The following ABHD17B variants were observed in gnomAD, a reference collection of about 807,000 sequenced individuals.
The protein encoded by ABHD17B is alpha/beta hydrolase domain-containing protein 17B.
In ABHD17B, 9 loss-of-function variants were observed where a neutral mutation model predicts 26.2. That is an observed-to-expected ratio of 0.34 (90% CI 0.21 to 0.60). The LOEUF (loss-of-function observed/expected upper bound fraction) is 0.60. Among genes scored for constraint, ABHD17B ranks in the 20% least tolerant of loss-of-function variants. ABHD17B has a pLI of 0.80. For missense variants in ABHD17B, 224 were observed against 352.1 expected (o/e 0.64, Z 2.91); for synonymous variants, 127 against 122.3 (o/e 1.04, Z -0.25).
chr9:71,878,040 A>G (rs1006755172), intron 1 of ABHD17B, among the ~76,000 whole-genome samples: 4 of 152,222 alleles, frequency 2.6e-5, no homozygotes, highest in Admixed American at 6.5e-5. Flanking sequence ...AATACTTTTT[A>G]AGTCTGAAAA....
chr9:71,909,689 A>C (rs924028810), intron 1 of ABHD17B, among the ~76,000 whole-genome samples: 1 of 152,252 alleles, frequency 6.6e-6, no homozygotes, highest in Non-Finnish European at 1.5e-5. Flanking sequence ...CAAGCATCAT[A>C]TATCACAAAA....
Position 71,874,910 on chromosome 9 carries a change from C to G in ABHD17B, c.171G>C (p.Gln57His). 1 of 1,614,176 alleles carries G rather than the reference C, an allele frequency of 6.2e-7. No homozygotes were observed. Among genetic ancestry groups the G allele is most frequent in the Non-Finnish European group, 8.5e-7 (1 of 1,180,024 alleles). ...TLHLSERADW[Q>H]YSSREKDAIE... ...TAGCATCTTTTTCTCTAGAAGAATA[C>G]TGCCAGTCTGCTCGTTCAGACAGAT... Residue 57 changes from glutamine to histidine, a missense_variant, in exon 2 of 4, where the codon CAG becomes CAC. Physicochemically the swap from Gln to His is conservative, Grantham distance 24. Transcript: ENST00000333421.
chr9:71,882,688 A>G (rs1826483399), intron 1 of ABHD17B, among the ~76,000 whole-genome samples: 1 of 151,858 alleles, frequency 6.6e-6, no homozygotes, highest in Non-Finnish European at 1.5e-5. Flanking sequence ...AACAAAAACA[A>G]AACAAAAGGT....
At chr9:71,869,596 C>G (rs1261550613) in intron 3 of ABHD17B, among the ~76,000 whole-genome samples, 1 of 152,070 alleles carries the variant, frequency 6.6e-6, no homozygotes, top group African/African-American at 2.4e-5. Context: ...ATTTAAGATT[C>G]AACTTTTTTT....
At chr9:71,893,406 A>AG (rs142195765) in intron 1 of ABHD17B, among the ~76,000 whole-genome samples, 2,778 of 152,260 alleles carry the variant, frequency 0.018, 83 homozygotes, top group African/African-American at 0.063. Flanking sequence ...CTCTTACTCC[A>AG]GTCTGATTAA....
chr9:71,874,842 G>A lies in ABHD17B; in HGVS notation c.239C>T (p.Ala80Val). 3.1e-6 allele frequency: 5 copies of A among 1,614,164 alleles called. No individual in the cohort carries two copies. The highest frequency in any genetic ancestry group is 4.2e-6 in the Non-Finnish European group (5 of 1,180,010). Reference protein sequence around the residue: ...MTRTSKGNRIACMFVRCSPNA... With the variant: ...MTRTSKGNRIVCMFVRCSPNA... ...GGGTGAACAACGTACAAACATACAA[G>A]CAATTCTGTTGCCTTTACTGGTTCT... Residue 80 changes from alanine (A) to valine (V), a missense_variant, in exon 2 of 4, where the codon GCT becomes GTT. Ala to Val is a moderately conservative substitution (Grantham distance 64). Transcript: ENST00000333421.
chr9:71,866,467 C>T lies in ABHD17B; in HGVS notation c.*320G>A. The stretch of plus-strand genomic sequence containing the variant: ...TTTAAAAATATTTATAAATTTGTTT[C>T]TAGTATGCAAAAGCATTTGGCAATA... On this transcript the variant is annotated 3_prime_UTR_variant, in exon 4 of 4. Coordinates refer to ENST00000333421, the MANE Select transcript of ABHD17B (RefSeq NM_001025780.3). 9.7e-7 allele frequency: 1 copy of T among 1,030,892 alleles called. No individual in the cohort carries two copies. The highest frequency in any genetic ancestry group is 4.9e-5 in the Admixed American group (1 of 20,372). The allele number at this position is 1,030,892 out of a possible 1,614,324, so 63.9% of individuals were successfully genotyped here.
In ABHD17B at chr9:71,865,168, T is replaced by C; in HGVS notation, c.*1619A>G. On this transcript the variant is annotated 3_prime_UTR_variant, in exon 4 of 4. Transcript: ENST00000333421. ...AAGCACAGGTCAGTGGTATATTTGTTGTTTTACTGTTAATTTGACACATCT... is the reference window on the plus strand; with the variant it reads ...AAGCACAGGTCAGTGGTATATTTGTCGTTTTACTGTTAATTTGACACATCT... 2 of 985,538 alleles carry C rather than the reference T, an allele frequency of 2.0e-6. No individual in the cohort carries two copies. The highest frequency in any genetic ancestry group is 1.2e-6 in the Non-Finnish European group (1 of 829,938). 61.0% of individuals were successfully genotyped at this position (985,538 alleles called of 1,614,324 possible).
chr9:71,864,366 C>T (rs959593111), downstream of ABHD17B, among the ~76,000 whole-genome samples: 3 of 151,672 alleles, frequency 2.0e-5, no homozygotes, highest in South Asian at 2.1e-4. Context: ...ACTACAGGCG[C>T]GTGCCACCAC....
In ABHD17B at chr9:71,904,079, C is replaced by T. The variant is rs146705242; in HGVS notation, c.-4+6555G>A. Among the ~76,000 whole-genome samples, 406 of 152,366 alleles carry T rather than the reference C, an allele frequency of 2.7e-3. 2 individuals are homozygous for T. Among genetic ancestry groups the T allele is most frequent in the Non-Finnish European group, 4.8e-3 (324 of 68,032 alleles). On this transcript the variant is annotated intron_variant, in intron 1 of 3. Transcript: ENST00000333421. ...ATTGCTAATACTCTCACTGACTGCA[C>T]ATCTCTGCCCATTCTCTTCTTCCCT...
At chr9:71,862,668 G>T, downstream of ABHD17B, 1 of 785,082 alleles carries the variant, frequency 1.3e-6, no homozygotes. Flanking sequence ...GAGTTTATGT[G>T]GCTTTCCATA....
Position 71,875,226 on chromosome 9 carries a change from G to C in ABHD17B, c.-3-143C>G. On this transcript the variant is annotated intron_variant, in intron 1 of 3. Coordinates refer to ENST00000333421, the MANE Select transcript of ABHD17B (RefSeq NM_001025780.3). The stretch of plus-strand genomic sequence containing the variant: ...AGGTATGATTCCAAACAGATTTTTG[G>C]CTTCTTTTTTTTTTTTGAGACGGAG... The C allele has an allele frequency of 1.3e-5, 8 of 612,762 alleles. No individual in the cohort carries two copies. In the South Asian group the frequency reaches 1.8e-4, roughly 14 times the overall value. 38.0% of individuals were successfully genotyped at this position (612,762 alleles called of 1,614,324 possible).
At position 71,866,310 on chromosome 9, in the gene ABHD17B, T is replaced by C. The variant is rs1355278843; in HGVS notation, c.*477A>G. The C allele has an allele frequency of 1.0e-6, 1 of 990,170 alleles. No homozygotes were observed. Among genetic ancestry groups the C allele is most frequent in the Non-Finnish European group, 1.2e-6 (1 of 832,068 alleles). 61.3% of individuals were successfully genotyped at this position (990,170 alleles called of 1,614,324 possible). A position where few individuals can be genotyped will look rare whatever the true frequency, so the allele number is the denominator to read the frequency against. Reference sequence around the variant, plus strand: ...TGTACAACAGGGTTTAGGTTAATTCTAGTGAACTTGCATGGTTTTAAATCT... The same window carrying C: ...TGTACAACAGGGTTTAGGTTAATTCCAGTGAACTTGCATGGTTTTAAATCT... On this transcript the variant is annotated 3_prime_UTR_variant, in exon 4 of 4. Transcript: ENST00000333421.
intron 1 of ABHD17B, among the ~76,000 whole-genome samples, chr9:71,892,649 A>T (rs917587348): frequency 2.7e-5 from 4 of 148,360 alleles, no homozygotes; most frequent in African/African-American, 9.9e-5. Context: ...TAGCAAATTA[A>T]TTTGGGGGGG....
At chr9:71,894,087 CAAAAAAAAAAAAAAAAAA>C (rs1180729763) in intron 1 of ABHD17B, among the ~76,000 whole-genome samples, 4 of 52,324 alleles carry the variant, frequency 7.6e-5, no homozygotes, top group African/African-American at 3.4e-4. Context: ...GACTCTATCT[CAAAAAAAAAAAAAAAAAA>C]AAAAAAAAAA....
downstream of ABHD17B, among the ~76,000 whole-genome samples, chr9:71,864,546 T>C (rs1434302228): frequency 1.3e-5 from 2 of 152,022 alleles, no homozygotes; most frequent in African/African-American, 4.8e-5. Context: ...TGCACCTTCC[T>C]TCCTCTAGGC....
chr9:71,865,064 A>G (rs1564057530), downstream of ABHD17B: 1 of 745,140 alleles, frequency 1.3e-6, no homozygotes, highest in Non-Finnish European at 1.6e-6. Context: ...AAATTTTCAA[A>G]CTATGTCCTA....
At chr9:71,867,541 AAC>A (rs1456958809) in intron 3 of ABHD17B, among the ~76,000 whole-genome samples, 3 of 152,350 alleles carry the variant, frequency 2.0e-5, no homozygotes, top group African/African-American at 7.2e-5. Context: ...AAAAGAAGAA[AAC>A]ACAATTTTAG....
intron 1 of ABHD17B, among the ~76,000 whole-genome samples, chr9:71,907,980 G>A (rs1827336325): frequency 6.6e-6 from 1 of 152,156 alleles, no homozygotes; most frequent in East Asian, 1.9e-4. Context: ...CTGCTCCAAA[G>A]CAAAGGATTC....
Sources: allele counts gnomAD v4.1 joint callset (sites outside exome capture counted in the v4.1 genomes callset), GRCh38; gene constraint gnomAD v4.1.1; transcripts MANE v1.5; gene names NCBI Gene and HGNC (gene_info 2026-07-23, HGNC 2026-07-21).